The following TNFSF4 variants were observed in gnomAD, a reference collection of about 807,000 sequenced individuals.
The protein encoded by TNFSF4 is TNF superfamily member 4.
TNFSF4 carries 4 observed loss-of-function variants against 7.3 expected under a neutral mutation model. That is an observed-to-expected ratio of 0.55 (90% CI 0.27 to 1.25). The LOEUF is 1.25. Among genes scored for constraint, TNFSF4 ranks in the 50% most tolerant of loss-of-function variants. The pLI is 0.12. For missense variants in TNFSF4, 181 were observed against 208.8 expected (o/e 0.87, Z 0.82); for synonymous variants, 76 against 83.7 (o/e 0.91, Z 0.50).
chr1:173,198,995 A>AG (rs760165071), intron 1 of TNFSF4, among the ~76,000 whole-genome samples: 1 of 152,202 alleles, frequency 6.6e-6, no homozygotes, highest in Non-Finnish European at 1.5e-5. Context: ...AATGCAAAAA[A>AG]CAAGTATGCC....
the TNFSF4 span, among the ~76,000 whole-genome samples, chr1:173,442,431 A>T: frequency 1.3e-5 from 2 of 152,042 alleles, no homozygotes; most frequent in African/African-American, 4.8e-5. Context: ...AAGAATTTCA[A>T]TCATTTGCTT....
At chr1:173,313,552 C>T in the TNFSF4 span, among the ~76,000 whole-genome samples, 1 of 151,964 alleles carries the variant, frequency 6.6e-6, no homozygotes, top group Non-Finnish European at 1.5e-5. Context: ...GCTCTGTTCT[C>T]CAAAAAAGTA....
At chr1:173,407,655 G>A in the TNFSF4 span, among the ~76,000 whole-genome samples, 99 of 149,722 alleles carry the variant, frequency 6.6e-4, 2 homozygotes, top group East Asian at 0.014. Context: ...CTATCAGCAT[G>A]AATTCATGCT....
At chr1:173,419,909 G>C in the TNFSF4 span, among the ~76,000 whole-genome samples, 94,987 of 151,894 alleles carry the variant, frequency 0.63, 30,975 homozygotes, top group South Asian at 0.79. Flanking sequence ...GTGTGGCGGG[G>C]GGGGGGATGA....
At chr1:173,179,567 C>T (rs1194497158), downstream of TNFSF4, among the ~76,000 whole-genome samples, 2 of 152,132 alleles carry the variant, frequency 1.3e-5, no homozygotes, top group Non-Finnish European at 2.9e-5. Flanking sequence ...GATGCTTCTA[C>T]CCAATGATGC....
chr1:173,363,205 A>C, the TNFSF4 span: 14 of 283,520 alleles, frequency 4.9e-5, no homozygotes, highest in South Asian at 5.4e-4. Context: ...TTGGCTCCAA[A>C]CATGTCTTTG....
At chr1:173,311,882 T>C in the TNFSF4 span, among the ~76,000 whole-genome samples, 1 of 152,124 alleles carries the variant, frequency 6.6e-6, no homozygotes. Context: ...CATCCTCTGA[T>C]AGCTTTTCAC....
the TNFSF4 span, among the ~76,000 whole-genome samples, chr1:173,386,124 G>A: frequency 6.6e-6 from 1 of 152,204 alleles, no homozygotes; most frequent in Non-Finnish European, 1.5e-5. Flanking sequence ...GGACCGTGAA[G>A]GCAGAACAGT....
chr1:173,351,625 AC>A, the TNFSF4 span: 1 of 233,644 alleles, frequency 4.3e-6, no homozygotes, highest in East Asian at 9.0e-5. Flanking sequence ...GATACAATGT[AC>A]CATAATCTCT....
the TNFSF4 span, among the ~76,000 whole-genome samples, chr1:173,278,371 G>T: frequency 9.3e-4 from 141 of 152,068 alleles, no homozygotes; most frequent in Admixed American, 2.6e-3. Context: ...GTTATCTCCA[G>T]CCTCCTTGAA....
At chr1:173,204,142 G>T (rs184096643) in intron 1 of TNFSF4, among the ~76,000 whole-genome samples, 1 of 152,264 alleles carries the variant, frequency 6.6e-6, no homozygotes, top group Non-Finnish European at 1.5e-5. Flanking sequence ...CTTCTTAGGA[G>T]CCAGGAAATC....
chr1:173,193,942 C>T (rs1255444956), intron 1 of TNFSF4, among the ~76,000 whole-genome samples: 3 of 152,132 alleles, frequency 2.0e-5, no homozygotes, highest in Non-Finnish European at 4.4e-5. Context: ...AGAATCACCA[C>T]CAAAATATGT....
the TNFSF4 span, among the ~76,000 whole-genome samples, chr1:173,403,628 G>A: frequency 6.6e-6 from 1 of 152,222 alleles, no homozygotes; most frequent in Non-Finnish European, 1.5e-5. Flanking sequence ...TTTCAGCTGG[G>A]CGCGGTGGCT....
the TNFSF4 span, among the ~76,000 whole-genome samples, chr1:173,432,727 G>GAA: frequency 7.1e-6 from 1 of 141,282 alleles, no homozygotes; most frequent in African/African-American, 2.6e-5. Context: ...GAACTCTCCT[G>GAA]AAAAAAAAAA....
chr1:173,322,168 G>A, the TNFSF4 span, among the ~76,000 whole-genome samples: 1 of 152,140 alleles, frequency 6.6e-6, no homozygotes, highest in Non-Finnish European at 1.5e-5. Flanking sequence ...CTTTGCAGGG[G>A]TGTGGATGAA....
the TNFSF4 span, among the ~76,000 whole-genome samples, chr1:173,355,101 G>C: frequency 6.6e-6 from 1 of 152,086 alleles, no homozygotes; most frequent in East Asian, 1.9e-4. Context: ...CACATCCCTT[G>C]GCTCATGCTC....
At chr1:173,291,778 A>C in the TNFSF4 span, among the ~76,000 whole-genome samples, 4 of 152,092 alleles carry the variant, frequency 2.6e-5, no homozygotes, top group Admixed American at 2.6e-4. Context: ...AAAAGAGAAA[A>C]GATCCCTATA....
the TNFSF4 span, among the ~76,000 whole-genome samples, chr1:173,359,510 T>TAAAAAA: frequency 1.4e-3 from 177 of 122,700 alleles, 7 homozygotes; most frequent in African/African-American, 3.6e-3. Context: ...TTACCAGCTG[T>TAAAAAA]AAAAAAAAAA....
chr1:173,203,677 T>C (rs1360533547), intron 1 of TNFSF4, among the ~76,000 whole-genome samples: 2 of 152,170 alleles, frequency 1.3e-5, no homozygotes, highest in Non-Finnish European at 2.9e-5. Flanking sequence ...ACTTCTGTTG[T>C]TCCCAGCTGA....
Sources: allele counts gnomAD v4.1 joint callset (sites outside exome capture counted in the v4.1 genomes callset), GRCh38; gene constraint gnomAD v4.1.1; transcripts MANE v1.5; gene names NCBI Gene and HGNC (gene_info 2026-07-23, HGNC 2026-07-21).